ZNF773: variants seen among roughly 807,000 people sequenced by gnomAD.
ZNF773 encodes zinc finger protein 419B.
ZNF773 carries 11 observed loss-of-function variants against 12.8 expected under a neutral mutation model. The ratio of observed to expected loss-of-function variants is 0.86; its 90% CI spans 0.54 to 1.42. The LOEUF is 1.42. ZNF773 is among the 40% of genes most tolerant of loss of function. The probability of loss-of-function intolerance (pLI) is 0.00; values close to 1 mark genes in which losing one functional copy is unlikely to be tolerated. For missense variants in ZNF773, 518 were observed against 527.2 expected, an observed-to-expected ratio of 0.98 and a Z score of 0.17; for synonymous variants, 175 against 178.4, an observed-to-expected ratio of 0.98 and a Z score of 0.15.
At chr19:57,516,747 C>T (rs371499872), downstream of ZNF773, 3 of 152,360 alleles carry the variant, frequency 2.0e-5, no homozygotes, top group Admixed American at 6.5e-5. Flanking sequence ...TAATTCTCAC[C>T]CCTGTCCTTG....
chr19:57,503,450 G>A (rs1170044336), intron 1 of ZNF773, among the ~76,000 whole-genome samples: 2 of 152,098 alleles, frequency 1.3e-5, no homozygotes, highest in Admixed American at 6.5e-5. Context: ...AAGTTCCTGT[G>A]GGGATAGACA....
At chr19:57,508,355 C>A, downstream of ZNF773, 2 of 491,006 alleles carry the variant, frequency 4.1e-6, no homozygotes, top group Non-Finnish European at 5.3e-6. Flanking sequence ...GAGTTTTAAT[C>A]TCACTGAGTT....
At chr19:57,500,164 G>C in intron 1 of ZNF773, 51 bp downstream of exon 1, 1 of 1,561,612 alleles carries the variant, frequency 6.4e-7, no homozygotes, top group African/African-American at 1.4e-5. Flanking sequence ...CCCTGTGAGG[G>C]CCGCCTGCTC....
At chr19:57,513,291 C>T (rs1214591224), downstream of ZNF773, 7 of 374,218 alleles carry the variant, frequency 1.9e-5, no homozygotes, top group Non-Finnish European at 2.8e-5. Flanking sequence ...GGTTAGTTCT[C>T]AAACACTAGC....
chr19:57,501,436 AG>A (rs1371528383), intron 1 of ZNF773, among the ~76,000 whole-genome samples: 1 of 144,032 alleles, frequency 6.9e-6, no homozygotes, highest in African/African-American at 2.6e-5. Context: ...TGTTGACAGA[AG>A]CATTAATTAT....
chr19:57,511,747 A>T (rs545145234), downstream of ZNF773, among the ~76,000 whole-genome samples: 1 of 150,274 alleles, frequency 6.7e-6, no homozygotes, highest in South Asian at 2.1e-4. Flanking sequence ...ATACACACAT[A>T]CACACACTCA....
In ZNF773 at chr19:57,501,732, T is replaced by C. The variant is rs554395375; in HGVS notation, c.33+1619T>C. Among the ~76,000 whole-genome samples, 62 of 152,264 alleles carry C rather than the reference T, an allele frequency of 4.1e-4. 1 individual carries two copies. In the South Asian group the frequency reaches 0.013, roughly 31 times the overall value. On this transcript the variant is annotated intron_variant, in intron 1 of 3. Coordinates refer to ENST00000282292, the MANE Select transcript of ZNF773 (RefSeq NM_198542.3). ...TGGTTCTCATGGTCTTGATTTTCCA[T>C]AGGTTCTTGTGACTTCAGAGTTAGT...
At position 57,507,848 on chromosome 19, in the gene ZNF773, C is replaced by T; in HGVS notation, c.*424C>T. 2.9e-6 allele frequency: 1 copy of T among 344,678 alleles called. No homozygotes were observed. The allele number at this position is 344,678 out of a possible 1,614,324, so 21.4% of individuals were successfully genotyped here. A position where few individuals can be genotyped will look rare whatever the true frequency, so the allele number is the denominator to read the frequency against. On this transcript the variant is annotated 3_prime_UTR_variant, in exon 4 of 4. Coordinates refer to ENST00000282292, the MANE Select transcript of ZNF773 (RefSeq NM_198542.3). ...ATTTACTGGGCATGGTGGTGGGCGC[C>T]TGTAGTCCCAGCTACTCAGGAGGCT...
intron 3 of ZNF773, 107 bp downstream of exon 3, chr19:57,505,507 C>T (rs1197909045): frequency 2.7e-5 from 34 of 1,263,370 alleles, no homozygotes; most frequent in Middle Eastern, 1.9e-4. Flanking sequence ...GGCAAGGTGT[C>T]GTCGCTGATT....
At chr19:57,506,279 G>T in intron 3 of ZNF773, 79 bp from the exon 4 acceptor site, 1 of 1,532,682 alleles carries the variant, frequency 6.5e-7, no homozygotes. Flanking sequence ...TAATTACCAG[G>T]TGTGTCAGAC....
At position 57,504,591 on chromosome 19, in the gene ZNF773, G is replaced by T; in HGVS notation, c.34-66G>T. 4 of 1,599,846 alleles carry T rather than the reference G, an allele frequency of 2.5e-6. No homozygotes were observed. The Admixed American group carries it at 6.7e-5, about 27-fold the overall frequency. On this transcript the variant is annotated intron_variant, in intron 1 of 3. Coordinates refer to ENST00000282292, the MANE Select transcript of ZNF773 (RefSeq NM_198542.3). ...AGGAAGAGGGTGAGCAGGGGTGGAT[G>T]TTTAGGGGGATGCCTAAATTCCCCA... is the stretch of plus-strand genomic sequence containing the variant.
chr19:57,504,078 G>A (rs1021179534), intron 1 of ZNF773, among the ~76,000 whole-genome samples: 3 of 152,214 alleles, frequency 2.0e-5, no homozygotes, highest in African/African-American at 7.2e-5. Flanking sequence ...AGTAGCTGAA[G>A]GTGAAGCAAC....
chr19:57,517,949 T>C (rs1263135897), downstream of ZNF773: 1 of 153,358 alleles, frequency 6.5e-6, no homozygotes, highest in Non-Finnish European at 1.5e-5. Context: ...ATCGGAATAA[T>C]GTTATTATGT....
downstream of ZNF773, chr19:57,517,510 T>A (rs1438470786): frequency 6.6e-6 from 1 of 152,140 alleles, no homozygotes. Context: ...TTCAAACAGC[T>A]CAATGTGTGA....
At chr19:57,504,279 G>A (rs780034457) in intron 1 of ZNF773, among the ~76,000 whole-genome samples, 1 of 152,160 alleles carries the variant, frequency 6.6e-6, no homozygotes, top group Non-Finnish European at 1.5e-5. Flanking sequence ...AGTGGTTGTG[G>A]TACAGAGTAT....
At chr19:57,510,870 A>C (rs571888812), downstream of ZNF773, among the ~76,000 whole-genome samples, 7 of 151,628 alleles carry the variant, frequency 4.6e-5, no homozygotes, top group Admixed American at 3.9e-4. Flanking sequence ...AAGTTCCTGA[A>C]TCTGAGATTT....
chr19:57,508,815 TCA>T (rs1287132803), downstream of ZNF773, among the ~76,000 whole-genome samples: 1 of 152,020 alleles, frequency 6.6e-6, no homozygotes. Context: ...TGCTTATTCG[TCA>T]CACGTATATC....
At chr19:57,501,113 C>G (rs544449010) in intron 1 of ZNF773, among the ~76,000 whole-genome samples, 5 of 152,108 alleles carry the variant, frequency 3.3e-5, no homozygotes, top group Non-Finnish European at 7.4e-5. Context: ...GTCAGCCAGG[C>G]TGGTGGAGCA....
At chr19:57,508,937 A>C (rs960334141), downstream of ZNF773, among the ~76,000 whole-genome samples, 1 of 152,184 alleles carries the variant, frequency 6.6e-6, no homozygotes, top group African/African-American at 2.4e-5. Flanking sequence ...AAGCGTTGGC[A>C]GTATTTTTTC....
Sources: gnomAD v4.1 joint callset for allele counts (sites outside exome capture counted in the v4.1 genomes callset) on GRCh38, gnomAD v4.1.1 for gene constraint, MANE v1.5 for transcripts, NCBI Gene and HGNC (gene_info 2026-07-23, HGNC 2026-07-21) for gene names.